The following SSBP3 variants were observed in gnomAD, a reference collection of about 807,000 sequenced individuals.
SSBP3 encodes the protein single-stranded DNA-binding protein 3.
SSBP3 carries 5 observed loss-of-function variants against 69.6 expected under a neutral mutation model. The ratio of observed to expected loss-of-function variants is 0.07; its 90% confidence interval spans 0.04 to 0.15. The LOEUF (loss-of-function observed/expected upper bound fraction) is 0.15. SSBP3 is among the 10% of genes least tolerant of loss of function. SSBP3 has a pLI of 1.00. For synonymous variants in SSBP3, 196 were observed against 193.4 expected (o/e 1.01, Z -0.11); for missense variants, 312 against 534.0 (o/e 0.58, Z 4.10).
chr1:54,357,686 G>A (rs1439032799), intron 4 of SSBP3, among the ~76,000 whole-genome samples: 2 of 152,214 alleles, frequency 1.3e-5, no homozygotes, highest in African/African-American at 4.8e-5. Flanking sequence ...AGGATCACTT[G>A]AGCCCAGGAG....
At chr1:54,385,485 C>T (rs1376871722) in intron 4 of SSBP3, among the ~76,000 whole-genome samples, 2 of 152,062 alleles carry the variant, frequency 1.3e-5, no homozygotes, top group Non-Finnish European at 2.9e-5. Flanking sequence ...GCCCCCAACC[C>T]CAAACACACA....
intron 4 of SSBP3, among the ~76,000 whole-genome samples, chr1:54,380,796 C>T (rs913840673): frequency 2.0e-5 from 3 of 152,126 alleles, no homozygotes; most frequent in African/African-American, 7.2e-5. Context: ...TCAAGTCTGA[C>T]AGAGTGTGGG....
intron 5 of SSBP3, among the ~76,000 whole-genome samples, chr1:54,271,178 G>A (rs779049401): frequency 1.6e-4 from 24 of 152,106 alleles, no homozygotes; most frequent in Admixed American, 1.4e-3. Flanking sequence ...TGGTGTGATC[G>A]AGGCTCACTG....
chr1:54,247,467 G>A (rs1644753696), intron 9 of SSBP3, among the ~76,000 whole-genome samples: 1 of 152,130 alleles, frequency 6.6e-6, no homozygotes, highest in Non-Finnish European at 1.5e-5. Flanking sequence ...CACCAGCTCG[G>A]GGTGCTCAGG....
At chr1:54,225,917 T>A (rs1327682510) in exon 18 of SSBP3, 1 of 151,978 alleles carries the variant, frequency 6.6e-6, no homozygotes, top group African/African-American at 2.4e-5. Flanking sequence ...AGTCTTTCCA[T>A]CCAGTCCCAA....
At chr1:54,377,972 A>G (rs1647309133) in intron 4 of SSBP3, among the ~76,000 whole-genome samples, 1 of 152,176 alleles carries the variant, frequency 6.6e-6, no homozygotes, top group African/African-American at 2.4e-5. Context: ...TTCCAGCAAT[A>G]ATGAAGCCGT....
chr1:54,366,013 C>G (rs1412054948), intron 4 of SSBP3, among the ~76,000 whole-genome samples: 2 of 152,162 alleles, frequency 1.3e-5, no homozygotes, highest in Non-Finnish European at 1.5e-5. Flanking sequence ...TTAGTTTACA[C>G]AGACCACTCA....
At chr1:54,388,919 G>C (rs1648279695) in intron 4 of SSBP3, among the ~76,000 whole-genome samples, 1 of 152,218 alleles carries the variant, frequency 6.6e-6, no homozygotes, top group East Asian at 1.9e-4. Flanking sequence ...GTCAACCCTG[G>C]CCATGCCAGG....
intron 5 of SSBP3, among the ~76,000 whole-genome samples, chr1:54,262,231 G>A (rs1645028674): frequency 6.6e-6 from 1 of 152,146 alleles, no homozygotes; most frequent in Non-Finnish European, 1.5e-5. Flanking sequence ...CTCGCAGTAA[G>A]GGATCAATTG....
rs550370992 is a variant in SSBP3 at position 54,228,518 on chromosome 1, C to T, written c.1007-41G>A. 3 of 1,613,464 alleles carry T rather than the reference C, an allele frequency of 1.9e-6. No individual in the cohort carries two copies. In the East Asian group the frequency reaches 6.7e-5, roughly 36 times the overall value. On this transcript the variant is annotated intron_variant, in intron 15 of 17. Coordinates refer to ENST00000610401, the Ensembl canonical transcript of SSBP3. ...AATCCAATTCAGTTTCTTGCTTGCT[C>T]TTCCACGGAGGGGTCTCCCCTCGTC...
intron 12 of SSBP3, 67 bp from the exon 13 acceptor site, chr1:54,241,026 C>A (rs1297667198): frequency 7.2e-6 from 11 of 1,528,426 alleles, no homozygotes; most frequent in Non-Finnish European, 9.8e-6. Flanking sequence ...GGGCCGGCAT[C>A]CTCCCTCCCT....
rs144158157 is a variant in SSBP3 at position 54,256,561 on chromosome 1, G to C, written c.507+566C>G. 2.3e-3 allele frequency among the ~76,000 whole-genome samples: 357 copies of C among 152,136 alleles called. 2 individuals are homozygous for C. Among genetic ancestry groups the C allele is most frequent in the Middle Eastern group, 0.014 (4 of 292 alleles). On this transcript the variant is annotated intron_variant, in intron 7 of 17. Coordinates refer to ENST00000610401, the Ensembl canonical transcript of SSBP3. ...AATCAGACCCCTTTTCTAATTACAC[G>C]AACAAATCCTTTCTTGTTTTGAGTT...
exon 16 of SSBP3, chr1:54,228,466 T>C (rs1384155880): frequency 6.2e-7 from 1 of 1,614,118 alleles, no homozygotes; most frequent in Non-Finnish European, 8.5e-7. Context: ...AGTCCGTCTA[T>C]GTCGCCTGAC....
chr1:54,394,695 CTTTTTTT>C (rs544898836), intron 4 of SSBP3, among the ~76,000 whole-genome samples: 4 of 97,132 alleles, frequency 4.1e-5, no homozygotes, highest in Non-Finnish European at 5.7e-5. Context: ...CTTAAGACTC[CTTTTTTT>C]TTTTTTTTTT....
At chr1:54,349,733 C>A (rs1485689597) in intron 4 of SSBP3, among the ~76,000 whole-genome samples, 2 of 147,994 alleles carry the variant, frequency 1.4e-5, no homozygotes, top group South Asian at 2.1e-4. Flanking sequence ...AAAAAAAAAT[C>A]AAAATCATTA....
At chr1:54,337,485 C>CTT (rs869039822) in intron 4 of SSBP3, among the ~76,000 whole-genome samples, 754 of 51,170 alleles carry the variant, frequency 0.015, 145 homozygotes, top group Non-Finnish European at 0.02. Context: ...TTTCCTCAAG[C>CTT]TTTTTTTTTT....
At chr1:54,353,270 C>A (rs771024441) in intron 4 of SSBP3, among the ~76,000 whole-genome samples, 1 of 152,178 alleles carries the variant, frequency 6.6e-6, no homozygotes, top group African/African-American at 2.4e-5. Context: ...TTCTTTCCGT[C>A]GAAATCAGGC....
chr1:54,304,089 C>T (rs1379008460), intron 4 of SSBP3, among the ~76,000 whole-genome samples: 1 of 152,022 alleles, frequency 6.6e-6, no homozygotes, highest in Non-Finnish European at 1.5e-5. Context: ...AAACTTGAAC[C>T]AAGATGTGGC....
intron 4 of SSBP3, among the ~76,000 whole-genome samples, chr1:54,389,050 G>A (rs763473417): frequency 1.3e-5 from 2 of 152,258 alleles, no homozygotes; most frequent in East Asian, 1.9e-4. Flanking sequence ...TAGAAGAATC[G>A]GGTCTGCCTC....
Sources: gnomAD v4.1 joint callset for allele counts (sites outside exome capture counted in the v4.1 genomes callset) on GRCh38, gnomAD v4.1.1 for gene constraint, MANE v1.5 for transcripts, NCBI Gene and HGNC (gene_info 2026-07-23, HGNC 2026-07-21) for gene names.